The following SMAD4 variants were observed in gnomAD, a reference collection of about 807,000 sequenced individuals.
The protein encoded by SMAD4 is SMAD family member 4, also known as MAD homolog 4.
SMAD4 carries 7 observed loss-of-function variants against 63.2 expected under a neutral mutation model. The observed-to-expected ratio is 0.11, with a 90% CI of 0.06 to 0.21. The LOEUF (loss-of-function observed/expected upper bound fraction) is 0.21, where lower values mean the gene tolerates loss of function less well. Among genes scored for constraint, SMAD4 ranks in the 10% least tolerant of loss-of-function variants. The pLI, the probability that SMAD4 is intolerant of heterozygous loss-of-function variation, is 1.00. For synonymous variants in SMAD4, 215 were observed against 235.4 expected, an observed-to-expected ratio of 0.91 and a Z score of 0.79; for missense variants, 312 against 693.8, an observed-to-expected ratio of 0.45 and a Z score of 6.18.
Position 51,078,442 on chromosome 18 carries a change from T to A in SMAD4, c.1634T>A (p.Ile545Asn), listed in dbSNP as rs730881955. The A allele has an allele frequency of 3.7e-6, 6 of 1,614,148 alleles. No individual in the cohort carries two copies. The highest frequency in any genetic ancestry group is 4.2e-6 in the Non-Finnish European group (5 of 1,179,962). ...GACGAAGTACTTCATACCATGCCGA[T>A]TGCAGACCCACAACCTTTAGACTGA... Reference protein sequence around the residue: ...LLDEVLHTMPIADPQPLD With the variant: ...LLDEVLHTMPNADPQPLD The change falls in exon 12 of 12, where the codon ATT becomes AAT. Residue 545 changes from isoleucine to asparagine, a missense_variant. Physicochemically the swap from Ile to Asn is moderately radical, Grantham distance 149 (BLOSUM62 -3). Coordinates refer to ENST00000342988, the MANE Select transcript of SMAD4 (RefSeq NM_005359.6).
rs1394750044 is a variant in SMAD4, at chr18:51,073,386, TATACACACACAC to T, written c.1309-3250_1309-3239del. Among the ~76,000 whole-genome samples, 214 of 82,046 alleles carry T rather than the reference TATACACACACAC, an allele frequency of 2.6e-3. 1 individual carries two copies. Among genetic ancestry groups the T allele is most frequent in the Middle Eastern group, 5.2e-3 (1 of 192 alleles). The allele number at this position is 82,046 out of a possible 152,430, so 53.8% of individuals were successfully genotyped here. On this transcript the variant is annotated intron_variant, in intron 10 of 11. Coordinates refer to ENST00000342988, the MANE Select transcript of SMAD4 (RefSeq NM_005359.6). ...TTATATATATATATATATATATATA[TATACACACACAC>T]ACACACACACACACACACACACACA...
chr18:51,046,726 TTTA>T (rs1909553758), intron 1 of SMAD4, among the ~76,000 whole-genome samples, 191 bp from the exon 2 acceptor site: 2 of 152,078 alleles, frequency 1.3e-5, no homozygotes, highest in Non-Finnish European at 2.9e-5. Context: ...ATTAAGTAAT[TTTA>T]TTTTTAAAAA....
Position 51,079,703 on chromosome 18 carries a change from A to G in SMAD4, c.*1236A>G, listed in dbSNP as rs1910562169. 4.3e-6 allele frequency: 1 copy of G among 233,340 alleles called. No homozygotes were observed. Among genetic ancestry groups the G allele is most frequent in the South Asian group, 1.8e-4 (1 of 5,528 alleles). The allele number at this position is 233,340 out of a possible 1,614,324, so 14.5% of individuals were successfully genotyped here. ...ATTTAAGTAGAAAAGTTGCAGATGT[A>G]TTGACTGTACCACAGACACAATATG... On this transcript the variant is annotated 3_prime_UTR_variant, in exon 12 of 12. Transcript: ENST00000342988.
rs150998721 is a variant in SMAD4 at position 51,072,266 on chromosome 18, C to G, written c.1309-4372C>G. Among the ~76,000 whole-genome samples the G allele has an allele frequency of 2.5e-3, 377 of 152,216 alleles. 1 individual carries two copies. The highest frequency in any genetic ancestry group is 0.01 in the Middle Eastern group (3 of 294). On this transcript the variant is annotated intron_variant, in intron 10 of 11. Coordinates refer to ENST00000342988, the MANE Select transcript of SMAD4 (RefSeq NM_005359.6). ...ATTCTCATCAGTACTTGTTATCTGT[C>G]TTTTTTATTTTAGCCATTGTAGTAG...
chr18:51,049,613 A>C (rs1368066237), intron 4 of SMAD4: 1 of 359,478 alleles, frequency 2.8e-6, no homozygotes, highest in East Asian at 4.7e-5. Context: ...ATATTTTTTG[A>C]GTTAAGACCT....
At chr18:51,066,831 T>C in intron 9 of SMAD4, 188 bp from the exon 10 acceptor site, 1 of 573,228 alleles carries the variant, frequency 1.7e-6, no homozygotes, top group Non-Finnish European at 3.1e-6. Flanking sequence ...GTTGTAAATA[T>C]GTGCATCATT....
chr18:51,054,444 C>T, intron 4 of SMAD4: 3 of 281,948 alleles, frequency 1.1e-5, no homozygotes, highest in South Asian at 7.8e-5. Flanking sequence ...CGGTTTTTGC[C>T]TGCCTTATGT....
rs1044831359 is a variant in SMAD4 at position 51,066,942 on chromosome 18, C to T, written c.1140-77C>T. 7 of 1,071,446 alleles carry T rather than the reference C, an allele frequency of 6.5e-6. No individual in the cohort carries two copies. The South Asian group carries it at 6.6e-5, about 10-fold the overall frequency. 66.4% of individuals were successfully genotyped at this position (1,071,446 alleles called of 1,614,324 possible). On this transcript the variant is annotated intron_variant, in intron 9 of 11. Transcript: ENST00000342988. ...TTATTTTTAATTTTTCAATATTAAG[C>T]ATGCTATACAATCTGAACTAAAATT...
intron 10 of SMAD4, among the ~76,000 whole-genome samples, chr18:51,071,891 T>G (rs976700662): frequency 7.9e-5 from 12 of 152,188 alleles, no homozygotes; most frequent in African/African-American, 1.9e-4. Context: ...TTTTATGACT[T>G]ACTTCTTTTC....
intron 4 of SMAD4, chr18:51,052,873 A>G (rs1031318482): frequency 6.3e-6 from 1 of 158,066 alleles, no homozygotes. Flanking sequence ...TTAAACATGC[A>G]TATGATCATA....
At chr18:51,069,364 C>T (rs938284244) in intron 10 of SMAD4, among the ~76,000 whole-genome samples, 2 of 152,164 alleles carry the variant, frequency 1.3e-5, no homozygotes, top group Admixed American at 6.5e-5. Flanking sequence ...ATCAGCCCAA[C>T]TCAGCTCCCA....
chr18:51,055,142 T>A (rs551802334), intron 5 of SMAD4, 149 bp downstream of exon 5: 3 of 689,062 alleles, frequency 4.4e-6, no homozygotes, highest in Non-Finnish European at 5.3e-6. Flanking sequence ...TAAACAGGTA[T>A]GCACAATCAC....
At chr18:51,051,513 T>C (rs541173385) in intron 4 of SMAD4, 3 of 420,830 alleles carry the variant, frequency 7.1e-6, no homozygotes, top group African/African-American at 4.1e-5. Flanking sequence ...CATGAAACTT[T>C]CTATGACCAC....
At chr18:51,073,388 T>TATATATATATACACACACACACACAC (rs1417299090) in intron 10 of SMAD4, among the ~76,000 whole-genome samples, 1 of 64,158 alleles carries the variant, frequency 1.6e-5, no homozygotes, top group African/African-American at 7.6e-5. Context: ...TATATATATA[T>TATATATATATACACACACACACACAC]ACACACACAC....
intron 1 of SMAD4, among the ~76,000 whole-genome samples, chr18:51,037,355 A>G (rs1909237441): frequency 6.6e-6 from 1 of 152,180 alleles, no homozygotes. Context: ...TATTTTCATA[A>G]TGAAACTGAG....
At chr18:51,056,397 C>T (rs1424129393) in intron 5 of SMAD4, among the ~76,000 whole-genome samples, 1 of 151,962 alleles carries the variant, frequency 6.6e-6, no homozygotes, top group Non-Finnish European at 1.5e-5. Flanking sequence ...CTAATTTTAT[C>T]CTGGTATTTA....
At chr18:51,047,421 G>C in intron 2 of SMAD4, 126 bp downstream of exon 2, 5 of 807,130 alleles carry the variant, frequency 6.2e-6, no homozygotes, top group Non-Finnish European at 4.2e-6. Context: ...TGTGCATCCT[G>C]TACAAATATG....
intron 10 of SMAD4, among the ~76,000 whole-genome samples, chr18:51,068,017 T>C (rs1226318275): frequency 2.0e-5 from 3 of 152,214 alleles, no homozygotes; most frequent in African/African-American, 7.2e-5. Context: ...TAATTGTGTG[T>C]CATCCTCAAC....
chr18:51,037,915 G>A (rs1909252221), intron 1 of SMAD4, among the ~76,000 whole-genome samples: 1 of 152,096 alleles, frequency 6.6e-6, no homozygotes, highest in Non-Finnish European at 1.5e-5. Context: ...GGAAACTCCT[G>A]TCACTATGAC....
Sources: gnomAD v4.1 joint callset for allele counts (sites outside exome capture counted in the v4.1 genomes callset) on GRCh38, gnomAD v4.1.1 for gene constraint, MANE v1.5 for transcripts, NCBI Gene and HGNC (gene_info 2026-07-23, HGNC 2026-07-21) for gene names.